The following PRSS23 variants were observed in gnomAD, a reference collection of about 807,000 sequenced individuals.
The protein encoded by PRSS23 is protease, serine 23.
Under a neutral mutation model 34.7 loss-of-function variants are expected in PRSS23, and 25 were observed. The ratio of observed to expected loss-of-function variants is 0.72; its 90% CI spans 0.53 to 1.01. The LOEUF is 1.01. Among genes scored for constraint, PRSS23 ranks in the 50% least tolerant of loss-of-function variants. The pLI is 0.00. For missense variants in PRSS23, 445 were observed against 475.6 expected (o/e 0.94, Z 0.60); for synonymous variants, 176 against 186.6 (o/e 0.94, Z 0.46).
chr11:86,805,745 G>A (rs1171787382), intron 1 of PRSS23, among the ~76,000 whole-genome samples: 1 of 152,224 alleles, frequency 6.6e-6, no homozygotes, highest in African/African-American at 2.4e-5. Context: ...TTGGGAATGA[G>A]AATGGGCATG....
chr11:86,871,781 T>C (rs564460615), intron 2 of PRSS23, among the ~76,000 whole-genome samples: 46 of 152,284 alleles, frequency 3.0e-4, no homozygotes, highest in African/African-American at 1.0e-3. Flanking sequence ...GGAGGTAACA[T>C]TTAAGCTGAG....
chr11:86,818,902 CTT>C (rs1056725641), intron 1 of PRSS23, among the ~76,000 whole-genome samples: 2 of 152,192 alleles, frequency 1.3e-5, no homozygotes, highest in East Asian at 1.9e-4. Context: ...AGTTTGTTCT[CTT>C]TTTTTCTTTG....
At chr11:86,836,997 C>T (rs1015952054) in intron 2 of PRSS23, 3 of 152,174 alleles carry the variant, frequency 2.0e-5, no homozygotes, top group Non-Finnish European at 4.4e-5. Flanking sequence ...TTTTATAATT[C>T]TTTTATTGAG....
chr11:86,799,142 T>C (rs1948001980), upstream of PRSS23, among the ~76,000 whole-genome samples: 3 of 152,192 alleles, frequency 2.0e-5, no homozygotes, highest in African/African-American at 7.2e-5. Flanking sequence ...CGTGTAATAC[T>C]TGCTGAGAAG....
intron 2 of PRSS23, among the ~76,000 whole-genome samples, chr11:86,839,809 A>G (rs1279229934): frequency 3.3e-5 from 5 of 151,042 alleles, no homozygotes; most frequent in African/African-American, 9.8e-5. Context: ...GCATTCCTAA[A>G]GGAAAGAATT....
intron 1 of PRSS23, chr11:86,791,214 C>T (rs1045915499): frequency 1.3e-5 from 2 of 152,350 alleles, no homozygotes; most frequent in African/African-American, 2.4e-5. Flanking sequence ...CACCTCACTC[C>T]CCCAGTTCCC....
At chr11:86,795,955 G>A (rs936696065), upstream of PRSS23, among the ~76,000 whole-genome samples, 1 of 152,200 alleles carries the variant, frequency 6.6e-6, no homozygotes, top group African/African-American at 2.4e-5. Flanking sequence ...TAGTTGAGTT[G>A]AGGTTGAGTT....
intron 2 of PRSS23, among the ~76,000 whole-genome samples, chr11:86,876,320 C>G (rs986615621): frequency 1.3e-5 from 2 of 152,190 alleles, no homozygotes; most frequent in South Asian, 4.1e-4. Flanking sequence ...GATTAAAGGA[C>G]TAGCCTATCT....
intron 2 of PRSS23, chr11:86,933,934 A>G (rs1191894926): frequency 3.9e-5 from 6 of 152,234 alleles, no homozygotes; most frequent in Non-Finnish European, 8.8e-5. Context: ...CTTTAAAAAC[A>G]CAAGGTAGAA....
intron 2 of PRSS23, chr11:86,937,437 G>A (rs1446527286): frequency 6.6e-6 from 1 of 152,222 alleles, no homozygotes; most frequent in Admixed American, 6.5e-5. Flanking sequence ...AGACCTACTG[G>A]GCTGCATTCC....
upstream of PRSS23, among the ~76,000 whole-genome samples, chr11:86,796,437 C>G (rs1459245625): frequency 1.3e-5 from 2 of 151,754 alleles, no homozygotes; most frequent in African/African-American, 2.4e-5. Context: ...GTCAGGAGAT[C>G]GAGACCATCC....
chr11:86,921,223 G>T (rs1224500633), intron 2 of PRSS23: 1 of 152,134 alleles, frequency 6.6e-6, no homozygotes, highest in African/African-American at 2.4e-5. Flanking sequence ...TGAGGTCTCA[G>T]CTTAAATATT....
rs2135604562 is a variant in PRSS23 at position 86,810,878 on chromosome 11, G to A, written c.*2083G>A. On this transcript the variant is annotated 3_prime_UTR_variant, in exon 2 of 2. Transcript: ENST00000280258. ...ATCTTTTTAGTGATAATAAAAGAAAGCATGGTATTAAACTATCATAGAAGT... is the reference window on the plus strand; with the variant it reads ...ATCTTTTTAGTGATAATAAAAGAAAACATGGTATTAAACTATCATAGAAGT... 1 of 167,056 alleles carries A rather than the reference G, an allele frequency of 6.0e-6. No individual in the cohort carries two copies. The highest frequency in any genetic ancestry group is 1.9e-4 in the East Asian group (1 of 5,192). The allele number at this position is 167,056 out of a possible 1,614,324, so 10.3% of individuals were successfully genotyped here. A position where few individuals can be genotyped will look rare whatever the true frequency, so the allele number is the denominator to read the frequency against.
chr11:86,809,024 C>T lies in PRSS23; in HGVS notation c.*229C>T, dbSNP rs557867040. On this transcript the variant is annotated 3_prime_UTR_variant, in exon 2 of 2. Transcript: ENST00000280258. ...ATCATTTAAGCAGTTTGAAGGCATA[C>T]TTTTGCATAGAAATAAAAAAAATAC... The T allele has an allele frequency of 2.5e-6, 1 of 402,934 alleles. No homozygotes were observed. The highest frequency in any genetic ancestry group is 4.6e-6 in the Non-Finnish European group (1 of 219,532). 25.0% of individuals were successfully genotyped at this position (402,934 alleles called of 1,614,324 possible).
chr11:86,803,492 AAT>A (rs1441855392), intron 1 of PRSS23, among the ~76,000 whole-genome samples: 1 of 152,198 alleles, frequency 6.6e-6, no homozygotes, highest in East Asian at 1.9e-4. Flanking sequence ...TCTTCTAAGG[AAT>A]TACTCCATTA....
intron 2 of PRSS23, chr11:86,856,920 A>G (rs1180923849): frequency 6.5e-6 from 1 of 152,896 alleles, no homozygotes; most frequent in Non-Finnish European, 1.5e-5. Context: ...CATAACAAAG[A>G]AAGCAATATT....
intron 2 of PRSS23, chr11:86,950,839 G>A (rs1949284136): frequency 1.3e-5 from 6 of 453,066 alleles, no homozygotes; most frequent in Non-Finnish European, 2.4e-5. Flanking sequence ...GGACTTCCTG[G>A]AATCTAGGCA....
At chr11:86,796,402 G>A (rs1947980558), upstream of PRSS23, among the ~76,000 whole-genome samples, 1 of 152,084 alleles carries the variant, frequency 6.6e-6, no homozygotes, top group Non-Finnish European at 1.5e-5. Context: ...AGCACTTTGG[G>A]AGGCCGAGGC....
chr11:86,848,851 G>A lies in PRSS23; in HGVS notation c.206+25258G>A, dbSNP rs187334974. ...CAGACAGGCAGACCTTGGTGGCTCA[G>A]AGGGAACCAAAAGAGGAGCAGGCCA... is the stretch of plus-strand genomic sequence containing the variant. On this transcript the variant is annotated intron_variant, in intron 2 of 2. Coordinates refer to the PRSS23 transcript ENST00000533902. Among the ~76,000 whole-genome samples the A allele has an allele frequency of 2.3e-3, 343 of 152,312 alleles. 3 individuals are homozygous for A. Among genetic ancestry groups the A allele is most frequent in the African/African-American group, 7.8e-3 (323 of 41,576 alleles).
Sources: gnomAD v4.1 joint callset for allele counts (sites outside exome capture counted in the v4.1 genomes callset) on GRCh38, gnomAD v4.1.1 for gene constraint, MANE v1.5 for transcripts, NCBI Gene and HGNC (gene_info 2026-07-23, HGNC 2026-07-21) for gene names.